PKD1L1: variants seen among roughly 807,000 people sequenced by gnomAD.
The protein encoded by PKD1L1 is polycystin-1-like protein 1.
PKD1L1 carries 236 observed loss-of-function variants against 323.4 expected under a neutral mutation model. The observed-to-expected ratio is 0.73, with a 90% CI of 0.66 to 0.81. The LOEUF (loss-of-function observed/expected upper bound fraction) is 0.81. Among genes scored for constraint, PKD1L1 ranks in the 40% least tolerant of loss-of-function variants. PKD1L1 has a pLI of 0.00. For missense variants in PKD1L1, 3,320 were observed against 3,508.0 expected (o/e 0.95, Z 1.35); for synonymous variants, 1,344 against 1,335.0 (o/e 1.01, Z -0.15).
chr7:47,913,961 A>G (rs1787376024), intron 8 of PKD1L1, among the ~76,000 whole-genome samples: 1 of 152,226 alleles, frequency 6.6e-6, no homozygotes, highest in Admixed American at 6.5e-5. Flanking sequence ...TGGAAATCAA[A>G]AGACATGAAG....
intron 54 of PKD1L1, among the ~76,000 whole-genome samples, chr7:47,796,957 G>A (rs574021139): frequency 2.3e-4 from 34 of 148,932 alleles, no homozygotes; most frequent in Non-Finnish European, 4.0e-4. Context: ...CAGAGATTGC[G>A]CCACTGCACT....
At chr7:47,856,141 G>T (rs922577799) in intron 28 of PKD1L1, among the ~76,000 whole-genome samples, 2 of 151,892 alleles carry the variant, frequency 1.3e-5, no homozygotes, top group Non-Finnish European at 2.9e-5. Flanking sequence ...AGGTTCAAGC[G>T]ATTCTCCTGC....
intron 48 of PKD1L1, chr7:47,813,522 G>T (rs1277044657): frequency 1.4e-6 from 1 of 697,080 alleles, no homozygotes; most frequent in Non-Finnish European, 2.6e-6. Context: ...GCTGTGTATG[G>T]TTCTAAGGCT....
chr7:47,834,321 G>C lies in PKD1L1; in HGVS notation c.6174+18C>G, dbSNP rs199537141. The C allele has an allele frequency of 6.2e-7, 1 of 1,610,122 alleles. No homozygotes were observed. Among genetic ancestry groups the C allele is most frequent in the South Asian group, 1.1e-5 (1 of 90,864 alleles). ...TTCATGCTAGAAGATTAGCTGCTGC[G>C]CATAATGATTGATTTACCTTGCGTG... On this transcript the variant is annotated intron_variant, in intron 40 of 56. Transcript: ENST00000289672.
intron 53 of PKD1L1, 128 bp downstream of exon 53, chr7:47,803,082 T>A: frequency 8.6e-7 from 1 of 1,165,366 alleles, no homozygotes; most frequent in Admixed American, 2.2e-5. Flanking sequence ...CTGTAAGGGA[T>A]TAGAAGACTG....
chr7:47,899,730 G>A (rs1787038336), intron 13 of PKD1L1, among the ~76,000 whole-genome samples: 1 of 152,110 alleles, frequency 6.6e-6, no homozygotes, highest in Non-Finnish European at 1.5e-5. Flanking sequence ...GCCAAGGTGG[G>A]CGGATCACGA....
intron 19 of PKD1L1, among the ~76,000 whole-genome samples, chr7:47,882,527 A>G (rs1244408808): frequency 1.3e-5 from 2 of 151,982 alleles, no homozygotes; most frequent in Non-Finnish European, 2.9e-5. Context: ...AGGAAGAGAG[A>G]GTGGTGTGGA....
intron 54 of PKD1L1, among the ~76,000 whole-genome samples, chr7:47,797,273 T>C (rs541163489): frequency 6.6e-6 from 1 of 152,312 alleles, no homozygotes; most frequent in Non-Finnish European, 1.5e-5. Context: ...GCCCCTACGC[T>C]GTAAACCTGT....
rs781344760 is a variant in PKD1L1, at chr7:47,890,745, G to T, written c.2472C>A (p.Ala824=). The part of the protein sequence containing the change: ...GATLRYHWEC[A]TAGSPAHPCF... ...AGGGATGTGCTGGGGAGCCAGCGGT[G>T]GCGCATTCCCAGTGATACCTGTTGG... The change falls in exon 16 of 57, where the codon GCC becomes GCA. Residue 824 remains alanine (A), a synonymous_variant. Transcript: ENST00000289672. 1.4e-5 allele frequency: 22 copies of T among 1,612,450 alleles called. No homozygotes were observed. Among genetic ancestry groups the T allele is most frequent in the Non-Finnish European group, 1.9e-5 (22 of 1,180,022 alleles).
chr7:47,778,963 C>T (rs1786630272), intron 56 of PKD1L1, among the ~76,000 whole-genome samples: 1 of 152,208 alleles, frequency 6.6e-6, no homozygotes, highest in African/African-American at 2.4e-5. Context: ...ATTCAGCTAA[C>T]AGGTTGTTAT....
In PKD1L1 at chr7:47,854,873, T is replaced by C. The variant is rs1785861690; in HGVS notation, c.4859+9A>G. ...TCCAATCTCATTGTAGCTGTCACCA[T>C]CAACACACCTTACTAGCAACATGAC... On this transcript the variant is annotated intron_variant, in intron 30 of 56. Transcript: ENST00000289672. The C allele has an allele frequency of 6.2e-7, 1 of 1,613,378 alleles. No individual in the cohort carries two copies. The highest frequency in any genetic ancestry group is 1.3e-5 in the African/African-American group (1 of 74,914).
In PKD1L1 at chr7:47,800,877, C is replaced by T; in HGVS notation, c.7965G>A (p.Leu2655=). ...GGGCGGCCAGCATCAGTGCCCCCAC[C>T]AGCTGCAGAAAGAAAATCCAGAGAG... ...HSLPSIFVAG[L]VGALMLAALS... Residue 2655 remains leucine, a splice_region_variant and synonymous_variant, in exon 54 of 57, where the codon CTG becomes CTA. Coordinates refer to ENST00000289672, the MANE Select transcript of PKD1L1 (RefSeq NM_138295.5). 2 of 1,613,544 alleles carry T rather than the reference C, an allele frequency of 1.2e-6. No homozygotes were observed. Among genetic ancestry groups the T allele is most frequent in the African/African-American group, 1.3e-5 (1 of 75,016 alleles).
At chr7:47,811,670 C>A (rs1784898880) in intron 50 of PKD1L1, 147 bp downstream of exon 50, 3 of 666,162 alleles carry the variant, frequency 4.5e-6, no homozygotes, top group Non-Finnish European at 5.1e-6. Context: ...GTGATGCTTG[C>A]TGCAAGAAGG....
At chr7:47,905,374 G>A in intron 10 of PKD1L1, 49 bp from the exon 11 acceptor site, 1 of 1,573,952 alleles carries the variant, frequency 6.4e-7, no homozygotes, top group Admixed American at 1.8e-5. Flanking sequence ...AGGAGGGCTG[G>A]AATCTCCAGA....
Position 47,905,261 on chromosome 7 carries a change from A to G in PKD1L1, c.1587T>C (p.Val529=). Reference sequence around the variant, plus strand: ...ATTCCAGGGGTATTGTTTCCTTGGTAACAGCTGTAAATGTAATGTCTGTGT... The same window carrying G: ...ATTCCAGGGGTATTGTTTCCTTGGTGACAGCTGTAAATGTAATGTCTGTGT... The part of the protein sequence containing the change: ...ATDTDITFTA[V]TKETIPLEFE... Residue 529 remains valine (V), a synonymous_variant, in exon 11 of 57, where the codon GTT becomes GTC. Transcript: ENST00000289672. The G allele has an allele frequency of 6.2e-7, 1 of 1,613,984 alleles. No homozygotes were observed. Among genetic ancestry groups the G allele is most frequent in the Non-Finnish European group, 8.5e-7 (1 of 1,179,860 alleles).
At chr7:47,831,091 A>G in intron 42 of PKD1L1, 126 bp downstream of exon 42, 1 of 1,252,438 alleles carries the variant, frequency 8.0e-7, no homozygotes, top group Non-Finnish European at 1.1e-6. Flanking sequence ...GAAATGAGGG[A>G]GAAAATAGCA....
Position 47,933,160 on chromosome 7 carries a change from A to G in PKD1L1, c.399-1104T>C, listed in dbSNP as rs1332711455. 2.6e-5 allele frequency among the ~76,000 whole-genome samples: 4 copies of G among 152,196 alleles called. No homozygotes were observed. In the East Asian group the frequency reaches 7.7e-4, roughly 29 times the overall value. Reference sequence around the variant, plus strand: ...TAAAATATGACAGCAGTCGTGTCTCACTCCACTTGAGCTAAACAATGACCT... The same window carrying G: ...TAAAATATGACAGCAGTCGTGTCTCGCTCCACTTGAGCTAAACAATGACCT... On this transcript the variant is annotated intron_variant, in intron 4 of 56. Coordinates refer to ENST00000289672, the MANE Select transcript of PKD1L1 (RefSeq NM_138295.5).
Position 47,888,000 on chromosome 7 carries a change from A to C in PKD1L1, c.2826T>G (p.Asn942Lys). 6.2e-7 allele frequency: 1 copy of C among 1,612,954 alleles called. No homozygotes were observed. Among genetic ancestry groups the C allele is most frequent in the Non-Finnish European group, 8.5e-7 (1 of 1,179,306 alleles). Residue 942 changes from asparagine (N) to lysine (K), a missense_variant, in exon 17 of 57, where the codon AAT becomes AAG. Transcript: ENST00000289672. ...ATTAATCCTTTTTACCTTCTATCCTATTCTTTTCTGTTGCATTGACTAAAA... is the reference window on the plus strand; with the variant it reads ...ATTAATCCTTTTTACCTTCTATCCTCTTCTTTTCTGTTGCATTGACTAAAA... ...DLFLVNATEKNRIEVPFCRVV... is the reference protein window; with the variant it reads ...DLFLVNATEKKRIEVPFCRVV...
intron 12 of PKD1L1, 103 bp downstream of exon 12, chr7:47,904,275 G>A: frequency 6.7e-7 from 1 of 1,489,300 alleles, no homozygotes. Context: ...CACCTACGTT[G>A]ACTGACAGGC....
Sources: gnomAD v4.1 joint callset for allele counts (sites outside exome capture counted in the v4.1 genomes callset) on GRCh38, gnomAD v4.1.1 for gene constraint, MANE v1.5 for transcripts, NCBI Gene and HGNC (gene_info 2026-07-23, HGNC 2026-07-21) for gene names.